Variants in RHBDL3 observed in about 807,000 individuals in gnomAD.
The protein encoded by RHBDL3 is rhomboid like 3, also known as rhomboid-related protein 3.
In RHBDL3, 28 loss-of-function variants were observed where a neutral mutation model predicts 48.2. That is an observed-to-expected ratio of 0.58 (90% CI 0.43 to 0.80). RHBDL3 has a LOEUF of 0.80. Ranked by LOEUF, RHBDL3 falls within the 30% of genes least tolerant of loss-of-function variation. RHBDL3 has a pLI of 0.00. For missense variants in RHBDL3, 464 were observed against 542.7 expected, an observed-to-expected ratio of 0.85 and a Z score of 1.44; for synonymous variants, 208 against 232.3, an observed-to-expected ratio of 0.90 and a Z score of 0.95.
chr17:32,306,385 C>T (rs1473601042), intron 7 of RHBDL3, among the ~76,000 whole-genome samples: 1 of 152,210 alleles, frequency 6.6e-6, no homozygotes, highest in Non-Finnish European at 1.5e-5. Flanking sequence ...GATCGCACCA[C>T]TGCACTCCAG....
intron 8 of RHBDL3, among the ~76,000 whole-genome samples, 156 bp from the exon 9 acceptor site, chr17:32,320,800 AAC>A (rs1477524809): frequency 6.6e-6 from 1 of 152,160 alleles, no homozygotes; most frequent in Admixed American, 6.5e-5. Context: ...GCTCTGGGAG[AAC>A]AGAGATTTGC....
intron 7 of RHBDL3, among the ~76,000 whole-genome samples, chr17:32,309,840 G>C (rs375791356): frequency 1 from 146,002 of 146,004 alleles, 73,000 homozygotes; most frequent in Middle Eastern, 1. Context: ...AGTGCAATGG[G>C]GTGATCTCGG....
intron 5 of RHBDL3, among the ~76,000 whole-genome samples, chr17:32,296,216 C>G (rs1235405128): frequency 7.2e-6 from 1 of 139,266 alleles, no homozygotes; most frequent in African/African-American, 2.7e-5. Context: ...GAGAGACTGC[C>G]TGGATGACAG....
intron 6 of RHBDL3, among the ~76,000 whole-genome samples, chr17:32,305,050 G>C (rs1210219120): frequency 6.6e-6 from 1 of 151,996 alleles, no homozygotes; most frequent in Non-Finnish European, 1.5e-5. Flanking sequence ...GAGCCCGGGG[G>C]TCAAGGCTGT....
At chr17:32,312,976 A>G (rs2040881197) in intron 7 of RHBDL3, among the ~76,000 whole-genome samples, 1 of 152,020 alleles carries the variant, frequency 6.6e-6, no homozygotes, top group Admixed American at 6.6e-5. Context: ...CGCCCAGCTA[A>G]TTTTTTATAG....
chr17:32,321,483 T>TG lies in RHBDL3; in HGVS notation c.*258dup. ...ATGACATCGGGCCAGGGTGAAGGTC[T>TG]GGGGTGGGGTGTGAGAGTGGCCCTC... On this transcript the variant is annotated 3_prime_UTR_variant, in exon 9 of 9. Coordinates refer to ENST00000269051, the MANE Select transcript of RHBDL3 (RefSeq NM_138328.3). 9.9e-7 allele frequency: 1 copy of TG among 1,009,838 alleles called. No homozygotes were observed. Among genetic ancestry groups the TG allele is most frequent in the South Asian group, 1.6e-5 (1 of 62,614 alleles). 62.6% of individuals were successfully genotyped at this position (1,009,838 alleles called of 1,614,324 possible).
At chr17:32,313,638 T>C (rs1372663789) in intron 7 of RHBDL3, among the ~76,000 whole-genome samples, 5 of 151,884 alleles carry the variant, frequency 3.3e-5, no homozygotes, top group African/African-American at 1.2e-4. Flanking sequence ...AATTACTCTA[T>C]ACTTCATCTA....
intron 2 of RHBDL3, among the ~76,000 whole-genome samples, chr17:32,268,878 G>T (rs116728409): frequency 0.029 from 4,468 of 152,220 alleles, 221 homozygotes; most frequent in African/African-American, 0.1. Flanking sequence ...GAGTGAATGG[G>T]CTACGGGGAT....
intron 8 of RHBDL3, among the ~76,000 whole-genome samples, chr17:32,317,433 A>G (rs946881425): frequency 6.6e-6 from 1 of 152,202 alleles, no homozygotes; most frequent in African/African-American, 2.4e-5. Flanking sequence ...TCTAGGAACA[A>G]GATGTCTTCA....
At position 32,305,373 on chromosome 17, in the gene RHBDL3, G is replaced by A. The variant is rs756620606; in HGVS notation, c.814G>A (p.Ala272Thr). ...SLAVSVADMTAPVVGSSGGVY... is the reference protein window; with the variant it reads ...SLAVSVADMTTPVVGSSGGVY... ...GGCAGTGTCTGTGGCTGACATGACCGCTCCAGTCGTGGGCTCTTCTGGAGG... is the reference window on the plus strand; with the variant it reads ...GGCAGTGTCTGTGGCTGACATGACCACTCCAGTCGTGGGCTCTTCTGGAGG... Residue 272 changes from alanine (A) to threonine (T), a missense_variant, in exon 7 of 9, where the codon GCT becomes ACT. Ala to Thr is a moderately conservative substitution (Grantham distance 58). Coordinates refer to ENST00000269051, the MANE Select transcript of RHBDL3 (RefSeq NM_138328.3). 13 of 1,613,498 alleles carry A rather than the reference G, an allele frequency of 8.1e-6. No individual in the cohort carries two copies. Among genetic ancestry groups the A allele is most frequent in the Non-Finnish European group, 1.1e-5 (13 of 1,179,588 alleles).
chr17:32,266,346 G>T, intron 1 of RHBDL3, 46 bp downstream of exon 1: 1 of 1,080,670 alleles, frequency 9.3e-7, no homozygotes, highest in South Asian at 1.6e-5. Flanking sequence ...GGGGCGCCGG[G>T]GGGAAAAGCC....
At chr17:32,313,748 TCC>T (rs1180282851) in intron 7 of RHBDL3, among the ~76,000 whole-genome samples, 1 of 127,998 alleles carries the variant, frequency 7.8e-6, no homozygotes, top group Non-Finnish European at 1.7e-5. Flanking sequence ...CAGAATTCCC[TCC>T]CTTTTTTTTT....
intron 7 of RHBDL3, 107 bp downstream of exon 7, chr17:32,305,548 G>C (rs2040689616): frequency 1.3e-6 from 1 of 781,492 alleles, no homozygotes; most frequent in Middle Eastern, 2.3e-4. Flanking sequence ...AGGCAGACCT[G>C]ACCTGGAGCA....
intron 1 of RHBDL3, among the ~76,000 whole-genome samples, chr17:32,267,345 C>A (rs71377423): frequency 4.0e-5 from 6 of 150,950 alleles, no homozygotes; most frequent in African/African-American, 1.5e-4. Flanking sequence ...CACCACCCCC[C>A]CTTCCCCGCA....
At chr17:32,302,524 A>G (rs1357326679) in intron 6 of RHBDL3, among the ~76,000 whole-genome samples, 1 of 134,664 alleles carries the variant, frequency 7.4e-6, no homozygotes, top group Non-Finnish European at 1.6e-5. Context: ...ATGTCCAGCT[A>G]ATTTTTGTAT....
At chr17:32,274,934 C>T (rs2039860888) in intron 2 of RHBDL3, among the ~76,000 whole-genome samples, 1 of 152,094 alleles carries the variant, frequency 6.6e-6, no homozygotes, top group Non-Finnish European at 1.5e-5. Flanking sequence ...TGGGTAGCTC[C>T]TGAAATGGGC....
chr17:32,315,089 G>A (rs1473019861), intron 7 of RHBDL3, among the ~76,000 whole-genome samples: 1 of 152,244 alleles, frequency 6.6e-6, no homozygotes, highest in Non-Finnish European at 1.5e-5. Context: ...TGTCCTGCTT[G>A]CTTGACTGAA....
At chr17:32,315,349 C>T (rs1012632962) in intron 7 of RHBDL3, among the ~76,000 whole-genome samples, 3 of 152,220 alleles carry the variant, frequency 2.0e-5, no homozygotes, top group African/African-American at 7.2e-5. Flanking sequence ...TGGAATAGTG[C>T]TTTGAATGCA....
chr17:32,315,628 T>A (rs1054268225), intron 7 of RHBDL3, among the ~76,000 whole-genome samples: 1 of 151,988 alleles, frequency 6.6e-6, no homozygotes, highest in Admixed American at 6.6e-5. Context: ...ATTCTATCTC[T>A]GGAGAGCTCT....
Sources: gnomAD v4.1 joint callset for allele counts (sites outside exome capture counted in the v4.1 genomes callset) on GRCh38, gnomAD v4.1.1 for gene constraint, MANE v1.5 for transcripts, NCBI Gene and HGNC (gene_info 2026-07-23, HGNC 2026-07-21) for gene names.